The following MAML2 variants were observed in gnomAD, a reference collection of about 807,000 sequenced individuals.
MAML2 encodes the protein mastermind like transcriptional coactivator 2, also known as mastermind-like protein 2.
MAML2 carries 22 observed loss-of-function variants against 96.1 expected under a neutral mutation model. The observed-to-expected ratio is 0.23, with a 90% CI of 0.16 to 0.33. MAML2 has a LOEUF of 0.33. Among genes scored for constraint, MAML2 ranks in the 10% least tolerant of loss-of-function variants. The pLI, the probability that MAML2 is intolerant of heterozygous loss-of-function variation, is 1.00. For synonymous variants in MAML2, 561 were observed against 521.3 expected, an observed-to-expected ratio of 1.08 and a Z score of -1.04; for missense variants, 1,367 against 1,392.4, an observed-to-expected ratio of 0.98 and a Z score of 0.29.
intron 1 of MAML2, among the ~76,000 whole-genome samples, chr11:96,326,949 T>C (rs1036075909): frequency 2.0e-5 from 3 of 152,112 alleles, no homozygotes; most frequent in Non-Finnish European, 2.9e-5. Context: ...AGAGCTTACA[T>C]TGAACGGAAT....
chr11:96,016,306 A>G (rs1412950177), intron 2 of MAML2, among the ~76,000 whole-genome samples: 2 of 152,042 alleles, frequency 1.3e-5, no homozygotes, highest in Non-Finnish European at 2.9e-5. Flanking sequence ...GGGAGCAGAG[A>G]GCAAAAAAGT....
Position 95,979,134 on chromosome 11 carries a change from C to G in MAML2, c.3285G>C (p.Arg1095Ser), listed in dbSNP as rs1392275291. Residue 1095 changes from arginine to serine, a missense_variant, in exon 5 of 5, where the codon AGG becomes AGC. Coordinates refer to ENST00000524717, the MANE Select transcript of MAML2 (RefSeq NM_032427.4). ...SNFPSPNQSS[R>S]AFQGTDHSSD... is the part of the protein sequence containing the mutation. ...TGCTGTGGTCAGTTCCTTGAAAAGCCCTGGAACTTTGGTTGGGTGAAGGAA... is the reference window on the plus strand; with the variant it reads ...TGCTGTGGTCAGTTCCTTGAAAAGCGCTGGAACTTTGGTTGGGTGAAGGAA... 2 of 1,613,812 alleles carry G rather than the reference C, an allele frequency of 1.2e-6. No homozygotes were observed. Among genetic ancestry groups the G allele is most frequent in the African/African-American group, 2.7e-5 (2 of 74,894 alleles).
At chr11:96,318,819 T>C (rs1311892028) in intron 1 of MAML2, among the ~76,000 whole-genome samples, 1 of 152,208 alleles carries the variant, frequency 6.6e-6, no homozygotes, top group East Asian at 1.9e-4. Flanking sequence ...AATTTTAAAA[T>C]ATTCAGTGGT....
At chr11:96,286,296 G>A (rs752034297) in intron 1 of MAML2, among the ~76,000 whole-genome samples, 45 of 152,246 alleles carry the variant, frequency 3.0e-4, no homozygotes, top group Admixed American at 6.5e-4. Flanking sequence ...AACACATTGC[G>A]GGGAACAACA....
At chr11:96,175,508 T>C (rs780596382) in intron 1 of MAML2, among the ~76,000 whole-genome samples, 3 of 152,230 alleles carry the variant, frequency 2.0e-5, no homozygotes, top group Non-Finnish European at 2.9e-5. Context: ...TTAGCAATAT[T>C]TGTCCTTAGC....
At chr11:96,073,012 T>C (rs1859371312) in intron 2 of MAML2, among the ~76,000 whole-genome samples, 2 of 152,196 alleles carry the variant, frequency 1.3e-5, no homozygotes, top group Non-Finnish European at 2.9e-5. Flanking sequence ...ATATTTATAT[T>C]TCCAATCTGT....
chr11:96,133,377 C>T (rs1365657285), intron 1 of MAML2, among the ~76,000 whole-genome samples: 1 of 152,038 alleles, frequency 6.6e-6, no homozygotes, highest in African/African-American at 2.4e-5. Context: ...TCATTATTAT[C>T]ATTTTCTTAT....
In MAML2 at chr11:96,124,756, G is replaced by C. The variant is rs552103024; in HGVS notation, c.514-31239C>G. On this transcript the variant is annotated intron_variant, in intron 1 of 4. Transcript: ENST00000524717. ...ACGGATGTGCATACACCTCGTGAAA[G>C]GGCATGAGAGGAGGGAAGAAGGACC... Among the ~76,000 whole-genome samples the C allele has an allele frequency of 5.9e-5, 9 of 152,292 alleles. No individual in the cohort carries two copies. The South Asian group carries it at 1.7e-3, about 28-fold the overall frequency.
chr11:96,205,687 C>T (rs1383014064), intron 1 of MAML2, among the ~76,000 whole-genome samples: 1 of 152,344 alleles, frequency 6.6e-6, no homozygotes, highest in Non-Finnish European at 1.5e-5. Flanking sequence ...CCAAATGTCG[C>T]TGCTTCTGAT....
At chr11:96,147,164 A>G (rs1187979286) in intron 1 of MAML2, among the ~76,000 whole-genome samples, 2 of 152,262 alleles carry the variant, frequency 1.3e-5, no homozygotes, top group African/African-American at 4.8e-5. Context: ...TGAAGAAATA[A>G]TACTATATAT....
intron 1 of MAML2, among the ~76,000 whole-genome samples, chr11:96,184,637 T>C (rs370710619): frequency 4.0e-5 from 6 of 149,110 alleles, no homozygotes; most frequent in East Asian, 4.0e-4. Context: ...TTTCCCAGGC[T>C]GGAGTGCGGT....
chr11:96,092,132 C>A lies in MAML2; in HGVS notation c.1899G>T (p.Gln633His). 1 of 1,548,054 alleles carries A rather than the reference C, an allele frequency of 6.5e-7. No individual in the cohort carries two copies. The highest frequency in any genetic ancestry group is 8.7e-7 in the Non-Finnish European group (1 of 1,145,816). The change falls in exon 2 of 5, where the codon CAG becomes CAT. Residue 633 changes from glutamine to histidine, a missense_variant. Physicochemically the swap from Gln to His is conservative, Grantham distance 24 (BLOSUM62 0). Coordinates refer to ENST00000524717, the MANE Select transcript of MAML2 (RefSeq NM_032427.4). This position sits in a 1 kb window ranked among gnomAD's most constrained non-coding sequence, Gnocchi z 4.1. ...GCTGCTGTTGGGCTGAAATTGAGCTCTGCTGCTGTTGCTGTTGTTGAGCTG... is the reference window on the plus strand; with the variant it reads ...GCTGCTGTTGGGCTGAAATTGAGCTATGCTGCTGTTGCTGTTGTTGAGCTG... ...SISAQQQQQQ[Q>H]SSISAQQQQQ...
intron 2 of MAML2, among the ~76,000 whole-genome samples, chr11:96,084,821 T>C (rs1161586092): frequency 6.6e-6 from 1 of 152,132 alleles, no homozygotes; most frequent in African/African-American, 2.4e-5. Flanking sequence ...CAGGACCCAG[T>C]AAGCTCCCTG....
chr11:96,303,986 A>G (rs1437072890), intron 1 of MAML2, among the ~76,000 whole-genome samples: 1 of 152,226 alleles, frequency 6.6e-6, no homozygotes, highest in African/African-American at 2.4e-5. Flanking sequence ...TGAGCAAGGA[A>G]GTGGGTGCCA....
At chr11:96,163,413 T>G (rs1292705523) in intron 1 of MAML2, among the ~76,000 whole-genome samples, 1 of 152,204 alleles carries the variant, frequency 6.6e-6, no homozygotes, top group African/African-American at 2.4e-5. Flanking sequence ...GTCAACTATC[T>G]TATACCCACA....
intron 1 of MAML2, among the ~76,000 whole-genome samples, chr11:96,222,568 G>A (rs954484580): frequency 3.3e-5 from 5 of 152,164 alleles, no homozygotes; most frequent in African/African-American, 1.2e-4. Flanking sequence ...CTCTCAGCAC[G>A]AATGCAAGGG....
At chr11:96,172,936 A>T (rs1349586769) in intron 1 of MAML2, among the ~76,000 whole-genome samples, 3 of 152,232 alleles carry the variant, frequency 2.0e-5, no homozygotes, top group African/African-American at 7.2e-5. Flanking sequence ...ACACTGAATC[A>T]GAGCCAAAGT....
At position 96,059,322 on chromosome 11, in the gene MAML2, C is replaced by T. The variant is rs145592961; in HGVS notation, c.2139+32570G>A. Among the ~76,000 whole-genome samples the T allele has an allele frequency of 8.6e-3, 1,313 of 152,260 alleles. 9 individuals carry two copies. The highest frequency in any genetic ancestry group is 0.012 in the Non-Finnish European group (829 of 68,026). On this transcript the variant is annotated intron_variant, in intron 2 of 4. Transcript: ENST00000524717. The stretch of plus-strand genomic sequence containing the variant: ...GCACTAGGTTATAAAATAAGAGCTG[C>T]ATGGCCATAGGTGAGTAGATAAAAA...
At chr11:96,108,046 A>G (rs1481239220) in intron 1 of MAML2, among the ~76,000 whole-genome samples, 3 of 152,186 alleles carry the variant, frequency 2.0e-5, no homozygotes, top group Non-Finnish European at 4.4e-5. Flanking sequence ...CCCAATTTAT[A>G]GCTTGTCGGT....
Sources: allele counts gnomAD v4.1 joint callset (sites outside exome capture counted in the v4.1 genomes callset), GRCh38; gene constraint gnomAD v4.1.1; non-coding constraint Gnocchi (gnomAD v3.1); transcripts MANE v1.5; gene names NCBI Gene and HGNC (gene_info 2026-07-23, HGNC 2026-07-21).